ASB15: variants seen among roughly 807,000 people sequenced by gnomAD.
ASB15 encodes the protein ankyrin repeat and SOCS box containing 15, also known as ankyrin repeat and SOCS box protein 15.
In ASB15, 54 loss-of-function variants were observed where a neutral mutation model predicts 58.0. The observed-to-expected ratio is 0.93, with a 90% CI of 0.75 to 1.17. The LOEUF (loss-of-function observed/expected upper bound fraction) is 1.17. Among genes scored for constraint, ASB15 ranks in the 50% most tolerant of loss-of-function variants. ASB15 has a pLI of 0.00. For missense variants in ASB15, 680 were observed against 707.4 expected, an observed-to-expected ratio of 0.96 and a Z score of 0.44; for synonymous variants, 249 against 262.4, an observed-to-expected ratio of 0.95 and a Z score of 0.50.
At chr7:123,612,915 A>C (rs1054034184) in intron 3 of ASB15, among the ~76,000 whole-genome samples, 10 of 152,200 alleles carry the variant, frequency 6.6e-5, no homozygotes, top group Non-Finnish European at 1.3e-4. Context: ...ACAATGAGCC[A>C]ATAAACAATA....
chr7:123,636,317 A>C (rs1802425010), intron 11 of ASB15, among the ~76,000 whole-genome samples: 1 of 152,222 alleles, frequency 6.6e-6, no homozygotes, highest in Non-Finnish European at 1.5e-5. Context: ...TTTTTTGAGA[A>C]TATACAAGGT....
chr7:123,601,020 AAG>A (rs1411116665), upstream of ASB15, among the ~76,000 whole-genome samples: 1 of 152,192 alleles, frequency 6.6e-6, no homozygotes, highest in East Asian at 1.9e-4. Flanking sequence ...GTAAGTCAGA[AAG>A]AGGTCACTGA....
At chr7:123,631,936 G>A (rs1166119961) in intron 11 of ASB15, among the ~76,000 whole-genome samples, 3 of 151,954 alleles carry the variant, frequency 2.0e-5, no homozygotes, top group Non-Finnish European at 2.9e-5. Context: ...AAATTAGCCG[G>A]GCGTGCTGGC....
At chr7:123,599,118 T>C (rs1457551001), upstream of ASB15, among the ~76,000 whole-genome samples, 1 of 151,798 alleles carries the variant, frequency 6.6e-6, no homozygotes. Context: ...AATGGTCAAG[T>C]ACAAAAAAGA....
At chr7:123,609,091 C>T (rs530969245) in intron 3 of ASB15, 1 of 152,068 alleles carries the variant, frequency 6.6e-6, no homozygotes, top group African/African-American at 2.4e-5. Flanking sequence ...ATCATTGCAG[C>T]TTCAAGGTAA....
intron 9 of ASB15, among the ~76,000 whole-genome samples, chr7:123,628,628 A>G (rs2116644843): frequency 6.6e-6 from 1 of 152,356 alleles, no homozygotes; most frequent in Middle Eastern, 3.4e-3. Flanking sequence ...AAAAACATAT[A>G]AGATGCAGTT....
intron 1 of ASB15, among the ~76,000 whole-genome samples, chr7:123,602,725 T>A (rs1799947317): frequency 6.6e-6 from 1 of 152,220 alleles, no homozygotes; most frequent in Admixed American, 6.6e-5. Context: ...ATGAATTTGT[T>A]AGGTAGTTGC....
At chr7:123,610,242 G>A (rs1027855517) in intron 3 of ASB15, among the ~76,000 whole-genome samples, 2 of 152,156 alleles carry the variant, frequency 1.3e-5, no homozygotes, top group Admixed American at 1.3e-4. Context: ...CTACTTATTA[G>A]CTCTGGGACA....
chr7:123,601,612 A>G (rs1013180086), upstream of ASB15, among the ~76,000 whole-genome samples: 4 of 152,198 alleles, frequency 2.6e-5, no homozygotes, highest in Non-Finnish European at 5.9e-5. Context: ...CACTCCCTGC[A>G]GCTGAATTGG....
rs888538959 is a variant in ASB15, at chr7:123,616,449, A to T, written c.246A>T (p.Glu82Asp). 4.3e-6 allele frequency: 7 copies of T among 1,612,262 alleles called. No individual in the cohort carries two copies. Among genetic ancestry groups the T allele is most frequent in the Non-Finnish European group, 5.9e-6 (7 of 1,178,660 alleles). Residue 82 changes from glutamate (E) to aspartate (D), a missense_variant, in exon 6 of 12, where the codon GAA becomes GAT. By Grantham distance (45) the Glu-to-Asp change is conservative. Transcript: ENST00000451215. The stretch of plus-strand genomic sequence containing the variant: ...AAAAAGGATGGTTTCCATTGCATGA[A>T]GCTGTTGTTCAACCCATTCAACAAA... ...ADEKGWFPLH[E>D]AVVQPIQQIL...
At chr7:123,578,925 A>T (rs943567656) in intron 1 of ASB15, among the ~76,000 whole-genome samples, 3 of 152,044 alleles carry the variant, frequency 2.0e-5, no homozygotes, top group Non-Finnish European at 2.9e-5. Flanking sequence ...ATTTTATTTT[A>T]GATTCGGGTG....
chr7:123,631,243 T>G (rs1452814974), intron 11 of ASB15, among the ~76,000 whole-genome samples: 1 of 152,206 alleles, frequency 6.6e-6, no homozygotes, highest in South Asian at 2.1e-4. Flanking sequence ...AAAGTAGATG[T>G]AAGATAGTAT....
chr7:123,570,328 G>A (rs1242360819), intron 1 of ASB15, among the ~76,000 whole-genome samples: 2 of 151,906 alleles, frequency 1.3e-5, no homozygotes, highest in Non-Finnish European at 2.9e-5. Flanking sequence ...GAGCCACCGC[G>A]CCCAGCCTGC....
intron 11 of ASB15, 136 bp from the exon 12 acceptor site, chr7:123,636,673 T>G: frequency 2.8e-6 from 2 of 710,100 alleles, no homozygotes; most frequent in Non-Finnish European, 4.6e-6. Flanking sequence ...TGAATTTCAC[T>G]TAAAATCACC....
rs1240123283 is a variant in ASB15 at position 123,638,569 on chromosome 7, A to G, written c.*1588A>G. The G allele has an allele frequency of 6.6e-6, 1 of 152,100 alleles. No individual in the cohort carries two copies. The highest frequency in any genetic ancestry group is 1.5e-5 in the Non-Finnish European group (1 of 68,010). 9.4% of individuals were successfully genotyped at this position (152,100 alleles called of 1,614,324 possible). On this transcript the variant is annotated 3_prime_UTR_variant, in exon 12 of 12. Coordinates refer to ENST00000451215, the MANE Select transcript of ASB15 (RefSeq NM_001290258.2). ...GACTTTTACCTTGAAAAGACCTCAC[A>G]CTGCTCTCATTTCCCCATTGACGAG...
chr7:123,611,277 G>A (rs1457815837), intron 3 of ASB15, among the ~76,000 whole-genome samples: 4 of 151,986 alleles, frequency 2.6e-5, no homozygotes, highest in Non-Finnish European at 5.9e-5. Flanking sequence ...AGCCACTCAA[G>A]GAGGTTTAGA....
At chr7:123,576,191 A>G (rs758942506) in intron 1 of ASB15, among the ~76,000 whole-genome samples, 3 of 149,508 alleles carry the variant, frequency 2.0e-5, no homozygotes, top group Non-Finnish European at 3.0e-5. Context: ...GTAATCCTTC[A>G]AATTTGATTT....
At chr7:123,614,396 A>C (rs1323391847) in intron 3 of ASB15, 105 bp from the exon 4 acceptor site, 3 of 685,722 alleles carry the variant, frequency 4.4e-6, no homozygotes, top group South Asian at 3.7e-5. Context: ...AGGGAAAGGA[A>C]AATGCATTTT....
intron 1 of ASB15, among the ~76,000 whole-genome samples, chr7:123,570,029 C>CTTTTTTT: frequency 1.1e-5 from 1 of 88,176 alleles, no homozygotes; most frequent in Non-Finnish European, 2.1e-5. Context: ...ACTGCCATAG[C>CTTTTTTT]TTTTTTTTTT....
Sources: allele counts gnomAD v4.1 joint callset (sites outside exome capture counted in the v4.1 genomes callset), GRCh38; gene constraint gnomAD v4.1.1; transcripts MANE v1.5; gene names NCBI Gene and HGNC (gene_info 2026-07-23, HGNC 2026-07-21).